CHST8: variants seen among roughly 807,000 people sequenced by gnomAD.
CHST8 encodes the protein GALNAC-4-ST1.
Under a neutral mutation model 15.0 loss-of-function variants are expected in CHST8, and 10 were observed. The ratio of observed to expected loss-of-function variants is 0.67; its 90% confidence interval spans 0.41 to 1.13. CHST8 has a LOEUF of 1.13. Among genes scored for constraint, CHST8 ranks in the 50% most tolerant of loss-of-function variants. The pLI, the probability that CHST8 is intolerant of heterozygous loss-of-function variation, is 0.00. For synonymous variants in CHST8, 259 were observed against 256.6 expected, an observed-to-expected ratio of 1.01 and a Z score of -0.09; for missense variants, 634 against 608.2, an observed-to-expected ratio of 1.04 and a Z score of -0.45.
intron 1 of CHST8, among the ~76,000 whole-genome samples, chr19:33,667,329 CCTG>C (rs1241209875): frequency 1.3e-5 from 2 of 152,178 alleles, no homozygotes; most frequent in South Asian, 4.1e-4. Flanking sequence ...AATTTCCTCC[CCTG>C]CTTGAAGTCA....
chr19:33,732,305 C>A (rs1189369060), intron 3 of CHST8, among the ~76,000 whole-genome samples: 1 of 152,112 alleles, frequency 6.6e-6, no homozygotes, highest in Non-Finnish European at 1.5e-5. Flanking sequence ...TGTTTTGCCC[C>A]CAGCTGGGCT....
At chr19:33,697,930 G>C (rs1273159531) in intron 3 of CHST8, among the ~76,000 whole-genome samples, 4 of 152,192 alleles carry the variant, frequency 2.6e-5, no homozygotes, top group Admixed American at 1.3e-4. Flanking sequence ...TCCAGCCTTG[G>C]CCTCTGGCAA....
intron 3 of CHST8, among the ~76,000 whole-genome samples, chr19:33,754,122 G>A: frequency 8.0e-6 from 1 of 125,220 alleles, no homozygotes. Flanking sequence ...ACTACCCTCT[G>A]TGTACCATCC....
chr19:33,684,772 AG>A (rs1421631205), intron 2 of CHST8: 1 of 152,114 alleles, frequency 6.6e-6, no homozygotes, highest in Non-Finnish European at 1.5e-5. Context: ...GAGGCTGAGG[AG>A]GGAAGCCAGG....
intron 1 of CHST8, among the ~76,000 whole-genome samples, chr19:33,657,234 C>T (rs1181916279): frequency 6.6e-6 from 1 of 151,498 alleles, no homozygotes; most frequent in Non-Finnish European, 1.5e-5. Context: ...TATACACATA[C>T]ACACACATAT....
chr19:33,666,788 C>T (rs1972667579), intron 1 of CHST8, among the ~76,000 whole-genome samples: 1 of 152,208 alleles, frequency 6.6e-6, no homozygotes, highest in African/African-American at 2.4e-5. Context: ...CTGCAACATC[C>T]GCCTCCCGGG....
At chr19:33,717,322 G>T (rs964573654) in intron 3 of CHST8, among the ~76,000 whole-genome samples, 49 of 152,032 alleles carry the variant, frequency 3.2e-4, no homozygotes, top group Admixed American at 3.1e-3. Context: ...TTAGCCAGGC[G>T]TGGTGGTGCG....
At chr19:33,664,474 G>T (rs1972628260) in intron 1 of CHST8, among the ~76,000 whole-genome samples, 1 of 121,570 alleles carries the variant, frequency 8.2e-6, no homozygotes, top group Admixed American at 1.1e-4. Context: ...CCCAGAGTGT[G>T]ATGTTCCCCT....
chr19:33,665,864 CCACCCAG>C (rs1972650955), intron 1 of CHST8, among the ~76,000 whole-genome samples: 2 of 152,284 alleles, frequency 1.3e-5, no homozygotes, highest in African/African-American at 4.8e-5. Flanking sequence ...CCCCAGTGGC[CCACCCAG>C]CTCTGGGCAG....
chr19:33,735,338 A>G (rs962676113), intron 3 of CHST8, among the ~76,000 whole-genome samples: 4 of 152,212 alleles, frequency 2.6e-5, no homozygotes, highest in African/African-American at 9.6e-5. Flanking sequence ...AAACTCACAG[A>G]TTGATGGGGA....
chr19:33,628,502 G>A (rs1447808543), intron 1 of CHST8, among the ~76,000 whole-genome samples: 1 of 152,212 alleles, frequency 6.6e-6, no homozygotes, highest in Non-Finnish European at 1.5e-5. Context: ...CTGTCTCCTG[G>A]AGCCGGGGTG....
At chr19:33,631,152 C>G (rs1040131926) in intron 1 of CHST8, among the ~76,000 whole-genome samples, 1 of 152,234 alleles carries the variant, frequency 6.6e-6, no homozygotes, top group Non-Finnish European at 1.5e-5. Flanking sequence ...CAGCAATCTG[C>G]CCACACAGGT....
intron 1 of CHST8, among the ~76,000 whole-genome samples, chr19:33,623,425 C>T (rs1972011986): frequency 6.6e-6 from 1 of 152,216 alleles, no homozygotes; most frequent in African/African-American, 2.4e-5. Flanking sequence ...TCTGGCGCAG[C>T]AGCAGAGCAC....
At chr19:33,735,860 C>G (rs1225597527) in intron 3 of CHST8, among the ~76,000 whole-genome samples, 1 of 152,208 alleles carries the variant, frequency 6.6e-6, no homozygotes, top group Admixed American at 6.5e-5. Context: ...TCACATTCCC[C>G]ACCTTTTACC....
intron 1 of CHST8, among the ~76,000 whole-genome samples, chr19:33,638,390 G>A (rs892028545): frequency 1.3e-5 from 2 of 152,184 alleles, no homozygotes; most frequent in African/African-American, 2.4e-5. Context: ...GTGGGTTTTC[G>A]CAAGGGGAAA....
At chr19:33,746,998 G>A (rs755597443) in intron 3 of CHST8, among the ~76,000 whole-genome samples, 2 of 152,168 alleles carry the variant, frequency 1.3e-5, no homozygotes, top group African/African-American at 2.4e-5. Context: ...CATGTCAAAC[G>A]GACTATATAT....
At chr19:33,748,859 C>A (rs1200969498) in intron 3 of CHST8, among the ~76,000 whole-genome samples, 1 of 152,126 alleles carries the variant, frequency 6.6e-6, no homozygotes, top group African/African-American at 2.4e-5. Context: ...AGAGGCCACA[C>A]CATGGATAAG....
intron 2 of CHST8, among the ~76,000 whole-genome samples, chr19:33,674,603 C>T (rs1029015959): frequency 3.9e-5 from 6 of 152,116 alleles, no homozygotes; most frequent in African/African-American, 1.2e-4. Flanking sequence ...CAGGGGTCTC[C>T]AGAGTGATGC....
At chr19:33,745,268 A>G (rs573077980) in intron 3 of CHST8, among the ~76,000 whole-genome samples, 3 of 152,306 alleles carry the variant, frequency 2.0e-5, no homozygotes, top group Admixed American at 2.0e-4. Context: ...TTGCCAGCCA[A>G]TGCCATTGTT....
Sources: allele counts gnomAD v4.1 joint callset (sites outside exome capture counted in the v4.1 genomes callset), GRCh38; gene constraint gnomAD v4.1.1; transcripts MANE v1.5; gene names NCBI Gene and HGNC (gene_info 2026-07-23, HGNC 2026-07-21).